Variants in ADAMTS2 observed in about 807,000 individuals in gnomAD.
The protein encoded by ADAMTS2 is A disintegrin and metalloproteinase with thrombospondin motifs 2.
ADAMTS2 carries 50 observed loss-of-function variants against 123.0 expected under a neutral mutation model. The ratio of observed to expected loss-of-function variants is 0.41; its 90% CI spans 0.32 to 0.51. The LOEUF is 0.51. ADAMTS2 is among the 20% of genes least tolerant of loss of function. The pLI is 0.35. For missense variants in ADAMTS2, 1,494 were observed against 1,705.2 expected (o/e 0.88, Z 2.18); for synonymous variants, 678 against 695.4 (o/e 0.98, Z 0.39).
At chr5:179,147,182 G>C (rs570341238) in intron 10 of ADAMTS2, among the ~76,000 whole-genome samples, 2 of 152,240 alleles carry the variant, frequency 1.3e-5, no homozygotes, top group Admixed American at 1.3e-4. Flanking sequence ...TCCACCTCCC[G>C]GGTTCAAGTG....
At chr5:179,298,646 G>A (rs753414833) in intron 2 of ADAMTS2, among the ~76,000 whole-genome samples, 1 of 152,154 alleles carries the variant, frequency 6.6e-6, no homozygotes, top group Admixed American at 6.5e-5. Context: ...GGGTGTGGAC[G>A]GGCTCTACGG....
At chr5:179,116,745 A>G (rs1417711369) in intron 21 of ADAMTS2, among the ~76,000 whole-genome samples, 1 of 152,226 alleles carries the variant, frequency 6.6e-6, no homozygotes, top group Non-Finnish European at 1.5e-5. Flanking sequence ...AGGCAAGAAG[A>G]ATGCAGGGAG....
intron 2 of ADAMTS2, among the ~76,000 whole-genome samples, chr5:179,340,694 C>T (rs143131577): frequency 4.6e-5 from 7 of 152,068 alleles, no homozygotes; most frequent in Admixed American, 1.3e-4. Flanking sequence ...GGATATGTTC[C>T]GTAGGGTGCT....
rs867627210 is a variant in ADAMTS2 at position 179,214,228 on chromosome 5, A to G, written c.689-6513T>C. The stretch of plus-strand genomic sequence containing the variant: ...AGACACATTAGGACACAACTCAAAA[A>G]TCGTGCCCACAGTCACCATTACTGA... On this transcript the variant is annotated intron_variant, in intron 3 of 21. Coordinates refer to ENST00000251582, the MANE Select transcript of ADAMTS2 (RefSeq NM_014244.5). Among the ~76,000 whole-genome samples the G allele has an allele frequency of 3.3e-3, 197 of 60,150 alleles. 3 individuals are homozygous for G. The highest frequency in any genetic ancestry group is 9.6e-3 in the African/African-American group (174 of 18,066). 39.5% of individuals were successfully genotyped at this position (60,150 alleles called of 152,430 possible). A position where few individuals can be genotyped will look rare whatever the true frequency, so the allele number is the denominator to read the frequency against.
chr5:179,285,178 C>T lies in ADAMTS2; in HGVS notation c.535-12114G>A, dbSNP rs996865084. Among the ~76,000 whole-genome samples the T allele has an allele frequency of 1.3e-5, 2 of 152,106 alleles. No individual in the cohort carries two copies. The highest frequency in any genetic ancestry group is 3.2e-3 in the Middle Eastern group (1 of 316). ...GCGTAACAAAGGGTCAGCAGTGTTA[C>T]GATCGGGGGTGAGTTTCACTTTTTA... On this transcript the variant is annotated intron_variant, in intron 2 of 21. Coordinates refer to ENST00000251582, the MANE Select transcript of ADAMTS2 (RefSeq NM_014244.5). This position sits in a 1 kb window ranked among gnomAD's most constrained non-coding sequence, Gnocchi z 4.9.
At chr5:179,310,132 G>A (rs940679579) in intron 2 of ADAMTS2, among the ~76,000 whole-genome samples, 6 of 152,202 alleles carry the variant, frequency 3.9e-5, no homozygotes, top group African/African-American at 1.4e-4. Context: ...CCCGGACTAC[G>A]CCTGCCCAGG....
Position 179,181,240 on chromosome 5 carries a change from C to T in ADAMTS2, c.892-85G>A, listed in dbSNP as rs1352830708. The T allele has an allele frequency of 2.7e-5, 26 of 954,934 alleles. No homozygotes were observed. The highest frequency in any genetic ancestry group is 4.4e-5 in the Non-Finnish European group (26 of 588,328). The allele number at this position is 954,934 out of a possible 1,614,324, so 59.2% of individuals were successfully genotyped here. On this transcript the variant is annotated intron_variant, in intron 4 of 21. Transcript: ENST00000251582. The surrounding 1 kb of genome is among the most constrained non-coding windows in gnomAD (Gnocchi z 4.1). ...GCCAATGGGATGACCCCCACCTGCTCCTTCTTCTTCCCATGCTTTCCACCC... is the reference window on the plus strand; with the variant it reads ...GCCAATGGGATGACCCCCACCTGCTTCTTCTTCTTCCCATGCTTTCCACCC...
In ADAMTS2 at chr5:179,130,019, G is replaced by A; in HGVS notation, c.2370C>T (p.Ala790=). Residue 790 remains alanine (A), a synonymous_variant, in exon 16 of 22, where the codon GCC becomes GCT. Transcript: ENST00000251582. The surrounding 1 kb of genome is among the most constrained non-coding windows in gnomAD (Gnocchi z 4.3). ...DVDASSKTFI[A]MGVEWEYRDE... ...CTCTGTACTCCCACTCCACGCCCAT[G>A]GCAATGAAGGTTTTGGAACTGGCAT... 1 of 1,614,170 alleles carries A rather than the reference G, an allele frequency of 6.2e-7. No individual in the cohort carries two copies. The highest frequency in any genetic ancestry group is 1.6e-4 in the Middle Eastern group (1 of 6,062).
chr5:179,284,109 T>A (rs919920390), intron 2 of ADAMTS2, among the ~76,000 whole-genome samples: 1 of 151,322 alleles, frequency 6.6e-6, no homozygotes, highest in Admixed American at 6.6e-5. Flanking sequence ...GGCGAATGGA[T>A]CACAAGGCCA....
intron 10 of ADAMTS2, among the ~76,000 whole-genome samples, chr5:179,151,367 G>A (rs1325666107): frequency 6.6e-6 from 1 of 152,204 alleles, no homozygotes; most frequent in African/African-American, 2.4e-5. Context: ...TTAGGCAGCT[G>A]GCCCAGTCCC....
chr5:179,334,412 G>GAC (rs1453801143), intron 2 of ADAMTS2, among the ~76,000 whole-genome samples: 2 of 152,222 alleles, frequency 1.3e-5, no homozygotes, highest in Admixed American at 1.3e-4. Flanking sequence ...TAAGAGTTAA[G>GAC]ACACATTTTA....
rs1193389074 is a variant in ADAMTS2 at position 179,314,433 on chromosome 5, G to A, written c.534+29334C>T. ...TCCTCCCCACCCCGTGGCGTGGCGT[G>A]GCGTGGCCGGAATACTCAGTTTTCC... On this transcript the variant is annotated intron_variant, in intron 2 of 21. Transcript: ENST00000251582. This position sits in a 1 kb window ranked among gnomAD's most constrained non-coding sequence, Gnocchi z 4.5. Among the ~76,000 whole-genome samples the A allele has an allele frequency of 6.6e-6, 1 of 151,642 alleles. No homozygotes were observed. Among genetic ancestry groups the A allele is most frequent in the Non-Finnish European group, 1.5e-5 (1 of 67,996 alleles).
chr5:179,274,056 G>T (rs1271263142), intron 2 of ADAMTS2, among the ~76,000 whole-genome samples: 4 of 142,972 alleles, frequency 2.8e-5, no homozygotes, highest in African/African-American at 1.0e-4. Context: ...CCCCCTTCGA[G>T]GCCTGATTCA....
intron 3 of ADAMTS2, among the ~76,000 whole-genome samples, chr5:179,236,864 C>A (rs1456058409): frequency 6.6e-6 from 1 of 152,152 alleles, no homozygotes; most frequent in Non-Finnish European, 1.5e-5. Flanking sequence ...TATGTTGAAA[C>A]CTAATCCCCA....
At chr5:179,201,065 C>A (rs188487718) in intron 4 of ADAMTS2, among the ~76,000 whole-genome samples, 25 of 152,322 alleles carry the variant, frequency 1.6e-4, no homozygotes, top group Non-Finnish European at 2.5e-4. Context: ...AAAAACTTAT[C>A]TCCGTTGTAA....
chr5:179,159,453 G>A (rs143564607), intron 5 of ADAMTS2, among the ~76,000 whole-genome samples: 258 of 152,278 alleles, frequency 1.7e-3, no homozygotes, highest in Non-Finnish European at 2.8e-3. Flanking sequence ...AAAAGTAATC[G>A]CAGTATTGCC....
Position 179,170,869 on chromosome 5 carries a change from G to A in ADAMTS2, c.975+10203C>T, listed in dbSNP as rs1763801964. On this transcript the variant is annotated intron_variant, in intron 5 of 21. Transcript: ENST00000251582. This position sits in a 1 kb window ranked among gnomAD's most constrained non-coding sequence, Gnocchi z 4.3. ...GGCTCTGGGCTGGCCGGATGCTTTG[G>A]GGGCACAAGGATACATCTCCTCCCA... is the stretch of plus-strand genomic sequence containing the variant. Among the ~76,000 whole-genome samples, 1 of 152,106 alleles carries A rather than the reference G, an allele frequency of 6.6e-6. No homozygotes were observed. The highest frequency in any genetic ancestry group is 2.1e-4 in the South Asian group (1 of 4,814).
intron 2 of ADAMTS2, among the ~76,000 whole-genome samples, chr5:179,327,971 G>A (rs1412216468): frequency 6.6e-6 from 1 of 152,170 alleles, no homozygotes; most frequent in Admixed American, 6.5e-5. Context: ...AATAAATAGA[G>A]AAACTCATAT....
At chr5:179,233,279 A>G (rs1438878251) in intron 3 of ADAMTS2, among the ~76,000 whole-genome samples, 1 of 152,246 alleles carries the variant, frequency 6.6e-6, no homozygotes, top group Non-Finnish European at 1.5e-5. Context: ...CTGACTGAAC[A>G]TCATCAGTGC....
Sources: gnomAD v4.1 joint callset for allele counts (sites outside exome capture counted in the v4.1 genomes callset) on GRCh38, gnomAD v4.1.1 for gene constraint, Gnocchi (gnomAD v3.1) non-coding constraint, MANE v1.5 for transcripts, NCBI Gene and HGNC (gene_info 2026-07-23, HGNC 2026-07-21) for gene names.